PPP1R9A: variants seen among roughly 807,000 people sequenced by gnomAD.
The protein encoded by PPP1R9A is protein phosphatase 1 regulatory subunit 9A, also known as neurabin-1.
A neutral mutation model predicts 141.9 loss-of-function variants in PPP1R9A; 59 were observed. The observed-to-expected ratio is 0.42, with a 90% CI of 0.34 to 0.52. The LOEUF (loss-of-function observed/expected upper bound fraction) is 0.52. Ranked by LOEUF, PPP1R9A falls within the 20% of genes least tolerant of loss-of-function variation. The pLI, the probability that PPP1R9A is intolerant of heterozygous loss-of-function variation, is 0.10. For missense variants in PPP1R9A, 1,444 were observed against 1,611.9 expected (o/e 0.90, Z 1.78); for synonymous variants, 500 against 569.7 (o/e 0.88, Z 1.74).
At chr7:95,104,496 C>G in intron 2 of PPP1R9A, among the ~76,000 whole-genome samples, 1 of 152,084 alleles carries the variant, frequency 6.6e-6, no homozygotes, top group East Asian at 1.9e-4. Context: ...GTAACATACT[C>G]CTTATGTTAA....
chr7:95,250,126 G>C lies in PPP1R9A; in HGVS notation c.2267G>C (p.Ser756Thr), dbSNP rs764074513. 6.2e-7 allele frequency: 1 copy of C among 1,613,906 alleles called. No individual in the cohort carries two copies. Among genetic ancestry groups the C allele is most frequent in the South Asian group, 1.1e-5 (1 of 91,062 alleles). The part of the protein sequence containing the change: ...ENKERMLKLE[S>T]YWIEAQTLCH... ...AAGGAAAGAATGTTGAAGTTGGAAA[G>C]CTACTGGATTGAGGCCCAAACATTA... The change falls in exon 10 of 20, where the codon AGC (serine) becomes ACC (threonine). Residue 756 changes from serine (S) to threonine (T), a missense_variant. Coordinates refer to ENST00000433360, the MANE Select transcript of PPP1R9A (RefSeq NM_001166160.2).
chr7:95,042,874 T>C (rs1437413671), intron 2 of PPP1R9A, among the ~76,000 whole-genome samples: 1 of 152,084 alleles, frequency 6.6e-6, no homozygotes, highest in African/African-American at 2.4e-5. Flanking sequence ...TGACTCTCAC[T>C]TTGAAATTTT....
rs13311680 is a variant in PPP1R9A at position 95,159,939 on chromosome 7, A to G, written c.1650-1928A>G. 2.4e-3 allele frequency among the ~76,000 whole-genome samples: 346 copies of G among 141,632 alleles called. 1 individual carries two copies. Among genetic ancestry groups the G allele is most frequent in the African/African-American group, 7.0e-3 (273 of 39,138 alleles). 92.9% of individuals were successfully genotyped at this position (141,632 alleles called of 152,430 possible). On this transcript the variant is annotated intron_variant, in intron 4 of 19. Transcript: ENST00000433360. ...AGACATTGTCTCAAAAAAAAAAAAA[A>G]AAAGAAAGAAAGAAAGAAAAAATGT...
At chr7:94,958,500 T>C (rs1304660386) in intron 2 of PPP1R9A, among the ~76,000 whole-genome samples, 2 of 152,074 alleles carry the variant, frequency 1.3e-5, no homozygotes, top group Non-Finnish European at 2.9e-5. Context: ...GGGTACATTT[T>C]CTTACTCTCA....
chr7:94,986,744 A>C (rs1396572457), intron 2 of PPP1R9A, among the ~76,000 whole-genome samples: 1 of 152,216 alleles, frequency 6.6e-6, no homozygotes, highest in Non-Finnish European at 1.5e-5. Flanking sequence ...TACAATTATT[A>C]TGTGTCAATT....
intron 8 of PPP1R9A, among the ~76,000 whole-genome samples, chr7:95,227,109 A>AC (rs1795243894): frequency 6.6e-6 from 1 of 152,196 alleles, no homozygotes; most frequent in Admixed American, 6.5e-5. Context: ...AAGAGGTGTA[A>AC]TCTAGTTACC....
chr7:94,942,292 A>C (rs1795410300), intron 2 of PPP1R9A, among the ~76,000 whole-genome samples: 1 of 152,162 alleles, frequency 6.6e-6, no homozygotes, highest in Non-Finnish European at 1.5e-5. Context: ...AGCAGGAAAC[A>C]ACCACTTCCT....
intron 2 of PPP1R9A, among the ~76,000 whole-genome samples, chr7:95,076,988 T>C (rs1467302617): frequency 2.0e-5 from 3 of 152,128 alleles, no homozygotes; most frequent in Non-Finnish European, 2.9e-5. Flanking sequence ...CTTTTATTTT[T>C]TTTCTTGTCT....
intron 7 of PPP1R9A, among the ~76,000 whole-genome samples, chr7:95,207,804 A>G (rs1459325559): frequency 6.6e-6 from 1 of 152,212 alleles, no homozygotes; most frequent in Non-Finnish European, 1.5e-5. Flanking sequence ...AATGTAAAAT[A>G]AAACATCTAT....
intron 2 of PPP1R9A, among the ~76,000 whole-genome samples, chr7:95,015,838 C>T (rs181328368): frequency 6.6e-6 from 1 of 151,922 alleles, no homozygotes; most frequent in African/African-American, 2.4e-5. Context: ...TTACTTGAGG[C>T]CAGGAGTTTA....
chr7:95,188,476 T>C (rs886306022), intron 5 of PPP1R9A, among the ~76,000 whole-genome samples: 1 of 152,202 alleles, frequency 6.6e-6, no homozygotes, highest in African/African-American at 2.4e-5. Flanking sequence ...TTTAGGTCAT[T>C]TACACTCAGT....
At chr7:95,213,009 A>C (rs1326483469) in intron 7 of PPP1R9A, among the ~76,000 whole-genome samples, 1 of 152,072 alleles carries the variant, frequency 6.6e-6, no homozygotes. Context: ...GGTTACATTG[A>C]TCAGTGTGGC....
chr7:95,061,954 A>G (rs752476461), intron 2 of PPP1R9A, among the ~76,000 whole-genome samples: 1 of 152,234 alleles, frequency 6.6e-6, no homozygotes, highest in African/African-American at 2.4e-5. Flanking sequence ...ACAAACTTGT[A>G]TGACCCTGAC....
At chr7:95,226,371 A>G (rs1425039079) in intron 8 of PPP1R9A, among the ~76,000 whole-genome samples, 3 of 152,160 alleles carry the variant, frequency 2.0e-5, no homozygotes, top group Non-Finnish European at 4.4e-5. Flanking sequence ...GTGCAGTTTT[A>G]TGATGTTTAA....
intron 12 of PPP1R9A, among the ~76,000 whole-genome samples, chr7:95,262,797 C>T (rs1279191957): frequency 6.6e-6 from 1 of 152,138 alleles, no homozygotes; most frequent in East Asian, 1.9e-4. Context: ...AATATTCTTT[C>T]AATGATTAGC....
chr7:95,126,887 T>TG (rs769055307), intron 4 of PPP1R9A, among the ~76,000 whole-genome samples: 11 of 152,204 alleles, frequency 7.2e-5, no homozygotes, highest in Non-Finnish European at 1.5e-4. Context: ...TTTAATACTC[T>TG]GCTGGCTCAT....
Position 95,047,056 on chromosome 7 carries a change from G to A in PPP1R9A, c.1396-64203G>A, listed in dbSNP as rs183530184. ...ATTTCAACAATGGAGTAATTCAGGA[G>A]AACAGAGAGGGACCAGTTAGAGCTC... On this transcript the variant is annotated intron_variant, in intron 2 of 19. Coordinates refer to ENST00000433360, the MANE Select transcript of PPP1R9A (RefSeq NM_001166160.2). 1.9e-3 allele frequency among the ~76,000 whole-genome samples: 292 copies of A among 152,278 alleles called. 2 individuals are homozygous for A. Among genetic ancestry groups the A allele is most frequent in the African/African-American group, 6.6e-3 (273 of 41,560 alleles).
chr7:95,112,825 CAG>C (rs780605982), intron 3 of PPP1R9A, among the ~76,000 whole-genome samples: 5 of 152,032 alleles, frequency 3.3e-5, no homozygotes, highest in Admixed American at 6.6e-5. Flanking sequence ...CTCAGAAACA[CAG>C]AGTTATTTGC....
At chr7:95,039,531 C>A (rs1479716512) in intron 2 of PPP1R9A, among the ~76,000 whole-genome samples, 4 of 150,782 alleles carry the variant, frequency 2.7e-5, no homozygotes, top group African/African-American at 9.8e-5. Flanking sequence ...GTACTCCAGC[C>A]TGGGCGACAG....
Sources: allele counts gnomAD v4.1 joint callset (sites outside exome capture counted in the v4.1 genomes callset), GRCh38; gene constraint gnomAD v4.1.1; transcripts MANE v1.5; gene names NCBI Gene and HGNC (gene_info 2026-07-23, HGNC 2026-07-21).